MAN1C1: variants seen among roughly 807,000 people sequenced by gnomAD.
MAN1C1 encodes mannosidase alpha class 1C member 1.
MAN1C1 carries 49 observed loss-of-function variants against 71.5 expected under a neutral mutation model. The observed-to-expected ratio is 0.69, with a 90% confidence interval of 0.54 to 0.87. MAN1C1 has a LOEUF of 0.87. MAN1C1 is among the 40% of genes least tolerant of loss of function. The pLI, the probability that MAN1C1 is intolerant of heterozygous loss-of-function variation, is 0.00. For synonymous variants in MAN1C1, 352 were observed against 343.7 expected (o/e 1.02, Z -0.27); for missense variants, 743 against 835.0 (o/e 0.89, Z 1.36).
rs114126554 is a variant in MAN1C1 at position 25,701,302 on chromosome 1, A to G, written c.637+14766A>G. Among the ~76,000 whole-genome samples the G allele has an allele frequency of 3.8e-3, 578 of 152,174 alleles. 3 individuals carry two copies. Among genetic ancestry groups the G allele is most frequent in the African/African-American group, 0.013 (560 of 41,510 alleles). ...AAGCTGGCAAATAAACCCACTGAGAACTCGAGTTCTAGTGCTGGGCAGGAA... is the reference window on the plus strand; with the variant it reads ...AAGCTGGCAAATAAACCCACTGAGAGCTCGAGTTCTAGTGCTGGGCAGGAA... On this transcript the variant is annotated intron_variant, in intron 2 of 11. Coordinates refer to ENST00000374332, the MANE Select transcript of MAN1C1 (RefSeq NM_020379.4).
chr1:25,623,306 T>C (rs1407076454), intron 1 of MAN1C1, among the ~76,000 whole-genome samples: 1 of 152,212 alleles, frequency 6.6e-6, no homozygotes, highest in Non-Finnish European at 1.5e-5. Context: ...CATTTCTAGT[T>C]GTACCATTTG....
In MAN1C1 at chr1:25,617,269, C is replaced by G. The variant is rs1293719704; in HGVS notation, c.-529C>G. Among the ~76,000 whole-genome samples the G allele has an allele frequency of 2.0e-5, 3 of 152,036 alleles. No homozygotes were observed. In the East Asian group the frequency reaches 5.8e-4, roughly 30 times the overall value. Reference sequence around the variant, plus strand: ...GGGCCGGGTGTGCGCGCGCTCGGGGCGGCGCTGACACGCCAGCCCCCCATC... The same window carrying G: ...GGGCCGGGTGTGCGCGCGCTCGGGGGGGCGCTGACACGCCAGCCCCCCATC... On this transcript the variant is annotated 5_prime_UTR_variant, in exon 1 of 12. Coordinates refer to ENST00000374332, the MANE Select transcript of MAN1C1 (RefSeq NM_020379.4). The surrounding 1 kb of genome is among the most constrained non-coding windows in gnomAD (Gnocchi z 5.1).
intron 2 of MAN1C1, among the ~76,000 whole-genome samples, chr1:25,734,373 C>G (rs986194031): frequency 6.6e-6 from 1 of 152,336 alleles, no homozygotes; most frequent in East Asian, 1.9e-4. Flanking sequence ...AAATGATCCA[C>G]CCACCTCAGC....
chr1:25,679,090 A>G (rs995289192), intron 1 of MAN1C1, among the ~76,000 whole-genome samples: 1 of 152,146 alleles, frequency 6.6e-6, no homozygotes, highest in Non-Finnish European at 1.5e-5. Flanking sequence ...ATTACCTGAA[A>G]GGATTTATGC....
chr1:25,676,318 A>T (rs771883879), intron 1 of MAN1C1, among the ~76,000 whole-genome samples: 48 of 152,052 alleles, frequency 3.2e-4, no homozygotes, highest in Non-Finnish European at 5.0e-4. Flanking sequence ...TGGAGGCAGC[A>T]TCTCCCCTTC....
intron 1 of MAN1C1, among the ~76,000 whole-genome samples, chr1:25,633,576 T>TA: frequency 6.6e-6 from 1 of 152,086 alleles, no homozygotes; most frequent in Non-Finnish European, 1.5e-5. Context: ...CAGTCTGTCT[T>TA]ATCAGATATA....
At chr1:25,645,540 A>C (rs866324357) in intron 1 of MAN1C1, 4 of 152,346 alleles carry the variant, frequency 2.6e-5, no homozygotes, top group Middle Eastern at 3.4e-3. Context: ...AAAGGAAGAA[A>C]TTGCAGAGTG....
intron 1 of MAN1C1, among the ~76,000 whole-genome samples, chr1:25,655,933 G>A (rs1355420569): frequency 1.3e-5 from 2 of 151,990 alleles, no homozygotes; most frequent in Admixed American, 1.3e-4. Context: ...GGGTCGGGGA[G>A]AGAGTGCAGG....
intron 1 of MAN1C1, among the ~76,000 whole-genome samples, chr1:25,678,617 A>C (rs2046101935): frequency 6.6e-6 from 1 of 152,222 alleles, no homozygotes; most frequent in African/African-American, 2.4e-5. Flanking sequence ...GAAATTATTC[A>C]AAATGTTATG....
intron 1 of MAN1C1, among the ~76,000 whole-genome samples, chr1:25,684,978 G>A (rs987312781): frequency 6.6e-6 from 1 of 152,246 alleles, no homozygotes; most frequent in Non-Finnish European, 1.5e-5. Context: ...GGGCCCAACA[G>A]TCTGTTTTAA....
intron 1 of MAN1C1, among the ~76,000 whole-genome samples, chr1:25,676,858 C>G (rs1281257319): frequency 6.6e-6 from 1 of 152,122 alleles, no homozygotes; most frequent in Non-Finnish European, 1.5e-5. Context: ...ATGCTCACCC[C>G]CTTCCTTCCA....
chr1:25,737,500 AAG>A (rs1259584916), intron 2 of MAN1C1, among the ~76,000 whole-genome samples: 2 of 152,184 alleles, frequency 1.3e-5, no homozygotes, highest in Non-Finnish European at 2.9e-5. Context: ...AGCCCCAAGA[AAG>A]AGCTGTTGGC....
In MAN1C1 at chr1:25,783,970, C is replaced by T. The variant is rs2124423564; in HGVS notation, c.*181C>T. 2.6e-6 allele frequency: 2 copies of T among 765,554 alleles called. No homozygotes were observed. The highest frequency in any genetic ancestry group is 4.0e-4 in the Middle Eastern group (1 of 2,530). 47.4% of individuals were successfully genotyped at this position (765,554 alleles called of 1,614,324 possible). The stretch of plus-strand genomic sequence containing the variant: ...ACAAGACTTGGAGACTCAGCGATGT[C>T]AGGCCAGGGCCATGGCCACACTGGC... On this transcript the variant is annotated 3_prime_UTR_variant, in exon 12 of 12. Coordinates refer to ENST00000374332, the MANE Select transcript of MAN1C1 (RefSeq NM_020379.4).
chr1:25,719,394 C>CTTTT (rs1025784451), intron 2 of MAN1C1, among the ~76,000 whole-genome samples: 2 of 142,902 alleles, frequency 1.4e-5, no homozygotes, highest in Admixed American at 7.0e-5. Context: ...TATTTTTTAT[C>CTTTT]TTTTATTTAT....
intron 1 of MAN1C1, among the ~76,000 whole-genome samples, chr1:25,641,694 G>T (rs954430520): frequency 6.6e-6 from 1 of 152,116 alleles, no homozygotes; most frequent in Non-Finnish European, 1.5e-5. Flanking sequence ...TCTTAGCCTC[G>T]ACTTATCTCT....
Position 25,671,059 on chromosome 1 carries a change from A to G in MAN1C1, c.541-15381A>G, listed in dbSNP as rs567841880. ...GCCCAGTTAATTTTTTTGTATTTTC[A>G]GTAGAGATGGAGTTTCACCATGTTG... On this transcript the variant is annotated intron_variant, in intron 1 of 11. Coordinates refer to ENST00000374332, the MANE Select transcript of MAN1C1 (RefSeq NM_020379.4). 2.0e-3 allele frequency among the ~76,000 whole-genome samples: 306 copies of G among 152,164 alleles called. 1 individual carries two copies. Among genetic ancestry groups the G allele is most frequent in the Non-Finnish European group, 3.7e-3 (251 of 67,988 alleles).
In MAN1C1 at chr1:25,764,747, A is replaced by AACAC. The variant is rs1342209642; in HGVS notation, c.1141+783_1141+784insCACA. Among the ~76,000 whole-genome samples, 1 of 152,116 alleles carries AACAC rather than the reference A, an allele frequency of 6.6e-6. No individual in the cohort carries two copies. Among genetic ancestry groups the AACAC allele is most frequent in the Non-Finnish European group, 1.5e-5 (1 of 68,030 alleles). On this transcript the variant is annotated intron_variant, in intron 7 of 11. Transcript: ENST00000374332. The surrounding 1 kb of genome is among the most constrained non-coding windows in gnomAD (Gnocchi z 4.4). ...CTTTAATTTAAAAAACAAACAAACA[A>AACAC]ACAAACAAACAAAAACCATACAACA...
chr1:25,649,226 G>C (rs1174833093), intron 1 of MAN1C1, among the ~76,000 whole-genome samples: 1 of 152,218 alleles, frequency 6.6e-6, no homozygotes, highest in Non-Finnish European at 1.5e-5. Context: ...CCATTTCTCT[G>C]TGGCAAGTGC....
chr1:25,679,030 CGAGA>C (rs1004000798), intron 1 of MAN1C1, among the ~76,000 whole-genome samples: 7 of 150,468 alleles, frequency 4.7e-5, no homozygotes, highest in African/African-American at 1.7e-4. Context: ...AGAAACAAGA[CGAGA>C]GAGAGAGATG....
Sources: gnomAD v4.1 joint callset for allele counts (sites outside exome capture counted in the v4.1 genomes callset) on GRCh38, gnomAD v4.1.1 for gene constraint, Gnocchi (gnomAD v3.1) non-coding constraint, MANE v1.5 for transcripts, NCBI Gene and HGNC (gene_info 2026-07-23, HGNC 2026-07-21) for gene names.